Variants in CLASP2 observed in about 807,000 individuals in gnomAD.
CLASP2 encodes the protein cytoplasmic linker associated protein 2.
CLASP2 carries 47 observed loss-of-function variants against 194.4 expected under a neutral mutation model. That is an observed-to-expected ratio of 0.24 (90% CI 0.19 to 0.31). The LOEUF (loss-of-function observed/expected upper bound fraction) is 0.31. Ranked by LOEUF, CLASP2 falls within the 10% of genes least tolerant of loss-of-function variation. The pLI is 1.00. For synonymous variants in CLASP2, 619 were observed against 633.5 expected (o/e 0.98, Z 0.34); for missense variants, 1,445 against 1,823.6 (o/e 0.79, Z 3.78).
rs1322814619 is a variant in CLASP2 at position 33,581,922 on chromosome 3, C to T, written c.2246G>A (p.Ser749Asn). 2.5e-6 allele frequency: 4 copies of T among 1,612,136 alleles called. 1 individual carries two copies. The South Asian group carries it at 4.4e-5, about 18-fold the overall frequency. ...CACACTTGGTCGAGGAATACGACTG[C>T]TTCGGGCTGGTGTGAAGCAACAGCA... ...ASPSRLSVAR[S>N]SRIPRPSVSQ... The change falls in exon 23 of 39, where the codon AGC becomes AAC. Residue 749 changes from serine (S) to asparagine (N), a missense_variant. This residue lies in a region of CLASP2 where 732 missense variants were observed against 987.9 expected (regional missense o/e 0.74). Coordinates refer to ENST00000682230, the MANE Select transcript of CLASP2 (RefSeq NM_001365631.1).
intron 6 of CLASP2, among the ~76,000 whole-genome samples, chr3:33,678,201 A>T (rs2154341758): frequency 6.6e-6 from 1 of 152,304 alleles, no homozygotes; most frequent in African/African-American, 2.4e-5. Flanking sequence ...GAAAAAAAGT[A>T]TCTGAAACAA....
At chr3:33,550,051 C>T (rs941279231) in intron 30 of CLASP2, among the ~76,000 whole-genome samples, 1 of 151,920 alleles carries the variant, frequency 6.6e-6, no homozygotes, top group African/African-American at 2.4e-5. Flanking sequence ...ACTCCTTTTG[C>T]AGCAAATGTT....
chr3:33,579,421 C>T (rs1344360284), intron 23 of CLASP2, among the ~76,000 whole-genome samples: 1 of 152,128 alleles, frequency 6.6e-6, no homozygotes. Context: ...TACAGGTTTA[C>T]AAAGTACAGA....
At chr3:33,622,329 A>G in intron 10 of CLASP2, 49 bp from the exon 11 acceptor site, 1 of 1,380,664 alleles carries the variant, frequency 7.2e-7, no homozygotes, top group South Asian at 2.0e-5. Flanking sequence ...AAGTGCAAAA[A>G]AAAGAAGCTA....
intron 29 of CLASP2, among the ~76,000 whole-genome samples, chr3:33,553,103 T>A (rs2060316198): frequency 6.6e-6 from 1 of 152,196 alleles, no homozygotes; most frequent in Admixed American, 6.5e-5. Flanking sequence ...CTATGTTTTT[T>A]CTTCCCTTAC....
Position 33,688,365 on chromosome 3 carries a change from T to C in CLASP2, c.382A>G (p.Ile128Val), listed in dbSNP as rs747866762. ...AAACCAGAAGCCAACTGCTCCCAAA[T>C]GTACTATTTGAAAGAAAAGTAAAAA... ...LMDQVAPPMY[I>V]WEQLASGFKH... is the part of the protein sequence containing the mutation. Residue 128 changes from isoleucine (I) to valine (V), a missense_variant, in exon 4 of 39, where the codon ATT (isoleucine) becomes GTT (valine). Ile to Val is a conservative substitution (Grantham distance 29). Coordinates refer to ENST00000682230, the MANE Select transcript of CLASP2 (RefSeq NM_001365631.1). 5.1e-6 allele frequency: 8 copies of C among 1,575,370 alleles called. No homozygotes were observed. The highest frequency in any genetic ancestry group is 1.4e-5 in the African/African-American group (1 of 73,880).
At chr3:33,714,852 G>C (rs1333163640) in intron 1 of CLASP2, among the ~76,000 whole-genome samples, 2 of 152,070 alleles carry the variant, frequency 1.3e-5, no homozygotes, top group Non-Finnish European at 2.9e-5. Context: ...TGGGACTACA[G>C]GCATAAGCCA....
Position 33,551,238 on chromosome 3 carries a change from A to G in CLASP2, c.3153+14T>C, listed in dbSNP as rs770606228. On this transcript the variant is annotated intron_variant, in intron 30 of 38. Transcript: ENST00000682230. Reference sequence around the variant, plus strand: ...TTTCCCAATTTATCTTCTAAACCTCATATTAAAATATACCTTCCGAACATC... The same window carrying G: ...TTTCCCAATTTATCTTCTAAACCTCGTATTAAAATATACCTTCCGAACATC... 1.2e-5 allele frequency: 20 copies of G among 1,601,954 alleles called. No homozygotes were observed. Among genetic ancestry groups the G allele is most frequent in the Admixed American group, 1.7e-5 (1 of 58,808 alleles).
intron 24 of CLASP2, chr3:33,574,396 G>A (rs1204021624): frequency 2.4e-6 from 2 of 824,948 alleles, no homozygotes; most frequent in Non-Finnish European, 3.7e-6. Flanking sequence ...TTTAATAGAA[G>A]ACCATCATTT....
chr3:33,526,451 C>G (rs2054586471), intron 34 of CLASP2, among the ~76,000 whole-genome samples: 1 of 152,106 alleles, frequency 6.6e-6, no homozygotes, highest in Non-Finnish European at 1.5e-5. Context: ...TATATATGCA[C>G]CCAACACAGG....
intron 2 of CLASP2, among the ~76,000 whole-genome samples, chr3:33,696,353 CTTTTT>C (rs962854814): frequency 9.5e-5 from 5 of 52,728 alleles, no homozygotes; most frequent in South Asian, 8.8e-4. Flanking sequence ...TTCTTTCTTT[CTTTTT>C]TTTTTTTTTT....
chr3:33,641,849 C>G (rs1010080490), intron 8 of CLASP2, among the ~76,000 whole-genome samples: 1 of 151,730 alleles, frequency 6.6e-6, no homozygotes, highest in Non-Finnish European at 1.5e-5. Flanking sequence ...TTTCCACCTA[C>G]TATATCCCTT....
intron 19 of CLASP2, 59 bp downstream of exon 19, chr3:33,596,652 T>C (rs1010032554): frequency 1.8e-6 from 2 of 1,138,914 alleles, no homozygotes; most frequent in Non-Finnish European, 1.3e-6. Context: ...AACAAGGATA[T>C]TATATAGAAT....
At chr3:33,563,121 C>T (rs1006810762) in intron 27 of CLASP2, among the ~76,000 whole-genome samples, 16 of 152,122 alleles carry the variant, frequency 1.1e-4, no homozygotes, top group African/African-American at 3.6e-4. Context: ...TATTCTCTAC[C>T]GAAATCCTTT....
intron 2 of CLASP2, 83 bp downstream of exon 2, chr3:33,696,772 C>T (rs2091958870): frequency 1.1e-6 from 1 of 933,342 alleles, no homozygotes; most frequent in Middle Eastern, 2.1e-4. Flanking sequence ...TTACAGAGAA[C>T]TATTTCTGCT....
At position 33,689,845 on chromosome 3, in the gene CLASP2, T is replaced by A. The variant is rs1384842389; in HGVS notation, c.362A>T (p.Gln121Leu). ...AQTLILKLMD[Q>L]VAPPMYIWEQ... Reference sequence around the variant, plus strand: ...TAGGCTTACCATAGGTGGTGCTACTTGATCCATTAACTTCAATATCAGAGT... The same window carrying A: ...TAGGCTTACCATAGGTGGTGCTACTAGATCCATTAACTTCAATATCAGAGT... Residue 121 changes from glutamine to leucine, a missense_variant, in exon 3 of 39, where the codon CAA (glutamine) becomes CTA (leucine). By Grantham distance (113) the Gln-to-Leu change is moderately radical. Around this residue, in one of 4 missense-constraint regions of CLASP2, gnomAD observed 332 missense variants for 325.3 expected, o/e 1.02. Transcript: ENST00000682230. The A allele has an allele frequency of 6.3e-7, 1 of 1,588,992 alleles. No homozygotes were observed. The highest frequency in any genetic ancestry group is 1.2e-5 in the South Asian group (1 of 85,676).
intron 12 of CLASP2, among the ~76,000 whole-genome samples, chr3:33,613,610 T>C (rs557511522): frequency 6.6e-6 from 1 of 152,370 alleles, no homozygotes; most frequent in East Asian, 1.9e-4. Context: ...ATCTATAGAC[T>C]TGAAGCTGTT....
At position 33,619,697 on chromosome 3, in the gene CLASP2, G is replaced by A; in HGVS notation, c.1223C>T (p.Ala408Val). Reference protein sequence around the residue: ...TVLGNKFDHGAEAIVPTLFNL... With the variant: ...TVLGNKFDHGVEAIVPTLFNL... The stretch of plus-strand genomic sequence containing the variant: ...AAAAAGTGTAGGTACAATGGCTTCA[G>A]CGCCATGATCAAACTTGTTTCCCAA... The change falls in exon 12 of 39, where the codon GCT (alanine) becomes GTT (valine). Residue 408 changes from alanine (A) to valine (V), a missense_variant. Ala to Val is a moderately conservative substitution (Grantham distance 64). Coordinates refer to ENST00000682230, the MANE Select transcript of CLASP2 (RefSeq NM_001365631.1). 6.3e-7 allele frequency: 1 copy of A among 1,584,132 alleles called. No homozygotes were observed. Among genetic ancestry groups the A allele is most frequent in the Non-Finnish European group, 8.6e-7 (1 of 1,164,662 alleles).
intron 21 of CLASP2, among the ~76,000 whole-genome samples, chr3:33,590,283 T>G (rs2068437323): frequency 6.6e-6 from 1 of 152,082 alleles, no homozygotes; most frequent in Non-Finnish European, 1.5e-5. Context: ...TCAAATAACC[T>G]CAAAGAGCCA....
Sources: allele counts gnomAD v4.1 joint callset (sites outside exome capture counted in the v4.1 genomes callset), GRCh38; gene constraint gnomAD v4.1.1; regional missense constraint gnomAD v4.1.1; transcripts MANE v1.5; gene names NCBI Gene and HGNC (gene_info 2026-07-23, HGNC 2026-07-21).